STOX2: variants seen among roughly 807,000 people sequenced by gnomAD.
The protein encoded by STOX2 is storkhead-box protein 2.
In STOX2, 28 loss-of-function variants were observed where a neutral mutation model predicts 60.9. The observed-to-expected ratio is 0.46, with a 90% CI of 0.34 to 0.63. The LOEUF is 0.63. Ranked by LOEUF, STOX2 falls within the 30% of genes least tolerant of loss-of-function variation. The pLI is 0.01. For synonymous variants in STOX2, 472 were observed against 463.9 expected (o/e 1.02, Z -0.22); for missense variants, 1,024 against 1,187.7 (o/e 0.86, Z 2.03).
rs1037693004 is a variant in STOX2, at chr4:184,009,090, C to T, written c.320-68C>T. 90 of 1,224,222 alleles carry T rather than the reference C, an allele frequency of 7.4e-5. 1 individual carries two copies. Among genetic ancestry groups the T allele is most frequent in the Non-Finnish European group, 9.1e-5 (81 of 890,386 alleles). The allele number at this position is 1,224,222 out of a possible 1,614,324, so 75.8% of individuals were successfully genotyped here. A position where few individuals can be genotyped will look rare whatever the true frequency, so the allele number is the denominator to read the frequency against. ...TCGCATCTTGGCGAATGAATAGGAT[C>T]CTGGAAATCAGGAATCCACATGTTC... On this transcript the variant is annotated intron_variant, in intron 2 of 3. Coordinates refer to ENST00000308497, the MANE Select transcript of STOX2 (RefSeq NM_020225.3). The surrounding 1 kb of genome is among the most constrained non-coding windows in gnomAD (Gnocchi z 4.0).
At chr4:183,938,004 C>G (rs999380895) in intron 1 of STOX2, among the ~76,000 whole-genome samples, 5 of 151,860 alleles carry the variant, frequency 3.3e-5, no homozygotes, top group Non-Finnish European at 5.9e-5. Flanking sequence ...AGAAAATTAG[C>G]CAGATGTGGG....
upstream of STOX2, among the ~76,000 whole-genome samples, chr4:183,904,042 T>G (rs1403590941): frequency 1.3e-5 from 2 of 152,242 alleles, no homozygotes; most frequent in Non-Finnish European, 2.9e-5. Flanking sequence ...TGGGAGACAG[T>G]GATAGATCAT....
At chr4:183,989,288 C>T (rs750632250) in intron 1 of STOX2, among the ~76,000 whole-genome samples, 87 of 150,516 alleles carry the variant, frequency 5.8e-4, no homozygotes, top group Non-Finnish European at 8.0e-4. Flanking sequence ...CTGCAACCTC[C>T]GCTTCCCGGG....
Position 184,011,026 on chromosome 4 carries a change from A to G in STOX2, c.2188A>G (p.Thr730Ala). 1 of 1,613,184 alleles carries G rather than the reference A, an allele frequency of 6.2e-7. No individual in the cohort carries two copies. Among genetic ancestry groups the G allele is most frequent in the East Asian group, 2.2e-5 (1 of 44,862 alleles). The change falls in exon 3 of 4, where the codon ACA becomes GCA. Residue 730 changes from threonine (T) to alanine (A), a missense_variant. Around this residue, in one of 3 missense-constraint regions of STOX2, gnomAD observed 922 missense variants for 1,058.3 expected, o/e 0.87. Coordinates refer to ENST00000308497, the MANE Select transcript of STOX2 (RefSeq NM_020225.3). The surrounding 1 kb of genome is among the most constrained non-coding windows in gnomAD (Gnocchi z 4.4). Reference sequence around the variant, plus strand: ...GTCCCTCCTCAAATCTCACCCGAAGACACCTGCTGACACATTGCCAGGCCG... The same window carrying G: ...GTCCCTCCTCAAATCTCACCCGAAGGCACCTGCTGACACATTGCCAGGCCG... ...SLSLLKSHPKTPADTLPGRCE... is the reference protein window; with the variant it reads ...SLSLLKSHPKAPADTLPGRCE...
chr4:183,897,372 T>C (rs574791952), intron 1 of STOX2, among the ~76,000 whole-genome samples: 2 of 152,352 alleles, frequency 1.3e-5, no homozygotes, highest in African/African-American at 4.8e-5. Flanking sequence ...TGTATTTTGG[T>C]GCTAGCTTTG....
At chr4:183,929,058 G>GC (rs1030573834) in intron 1 of STOX2, among the ~76,000 whole-genome samples, 61 of 152,196 alleles carry the variant, frequency 4.0e-4, no homozygotes, top group African/African-American at 1.4e-3. Context: ...TGTTTCACTT[G>GC]CCGTCTTAAT....
intron 1 of STOX2, among the ~76,000 whole-genome samples, chr4:183,995,291 C>CTTTTTTTTTTTTTTTTTTT (rs61681165): frequency 1.3e-5 from 1 of 79,480 alleles, no homozygotes; most frequent in African/African-American, 6.2e-5. Flanking sequence ...TTATTTTAGT[C>CTTTTTTTTTTTTTTTTTTT]TTTTTTTTTT....
chr4:183,905,066 G>A (rs1026225970), upstream of STOX2, among the ~76,000 whole-genome samples: 8 of 152,232 alleles, frequency 5.3e-5, no homozygotes, highest in Admixed American at 2.6e-4. Flanking sequence ...TTTTGTCGTT[G>A]TTTACTGTAC....
chr4:183,955,722 ATTG>A (rs1322318268), intron 1 of STOX2, among the ~76,000 whole-genome samples: 1 of 151,298 alleles, frequency 6.6e-6, no homozygotes, highest in African/African-American at 2.4e-5. Context: ...TTGGGAGAGG[ATTG>A]TTCTGTTCTG....
chr4:183,849,143 C>G (rs1053594001), intron 1 of STOX2, among the ~76,000 whole-genome samples: 4 of 152,130 alleles, frequency 2.6e-5, no homozygotes, highest in African/African-American at 9.7e-5. Flanking sequence ...GTCCCAGGCC[C>G]AGGAGCAGCC....
chr4:183,830,618 C>A (rs1739544226), intron 1 of STOX2, among the ~76,000 whole-genome samples: 1 of 152,118 alleles, frequency 6.6e-6, no homozygotes, highest in Non-Finnish European at 1.5e-5. Flanking sequence ...CCTTGTGTGG[C>A]AGTTAGCTGA....
chr4:183,915,097 C>T (rs1482706036), intron 1 of STOX2, among the ~76,000 whole-genome samples: 1 of 152,224 alleles, frequency 6.6e-6, no homozygotes, highest in Non-Finnish European at 1.5e-5. Flanking sequence ...TATCTTTCTA[C>T]TTTAATCCGT....
chr4:183,879,651 T>C (rs1740910136), intron 1 of STOX2, among the ~76,000 whole-genome samples: 1 of 152,186 alleles, frequency 6.6e-6, no homozygotes, highest in Non-Finnish European at 1.5e-5. Flanking sequence ...CTCCATCTAT[T>C]AATTTCTTGG....
chr4:183,993,640 T>C (rs1400678538), intron 1 of STOX2, among the ~76,000 whole-genome samples: 4 of 152,270 alleles, frequency 2.6e-5, no homozygotes, highest in African/African-American at 9.6e-5. Flanking sequence ...CTAAATATTC[T>C]AAAATTCCTT....
chr4:183,913,883 C>G (rs1354378004), intron 1 of STOX2, among the ~76,000 whole-genome samples: 1 of 152,184 alleles, frequency 6.6e-6, no homozygotes, highest in Non-Finnish European at 1.5e-5. Context: ...TGTCCACATA[C>G]CACCTAACCT....
At chr4:183,812,852 G>A (rs1739065260) in intron 1 of STOX2, among the ~76,000 whole-genome samples, 1 of 152,130 alleles carries the variant, frequency 6.6e-6, no homozygotes, top group Non-Finnish European at 1.5e-5. Context: ...AATTTTCCAA[G>A]TATGTAGGTC....
At position 183,828,827 on chromosome 4, in the gene STOX2, C is replaced by T. The variant is rs140452163; in HGVS notation, c.364+30772C>T. On this transcript the variant is annotated intron_variant, in intron 1 of 2. Coordinates refer to the STOX2 transcript ENST00000513034. ...GTGGAGTATTGTGATGTACCTTGAG[C>T]CTGATGGAGTTTTTTTCTGTATTTA... is the stretch of plus-strand genomic sequence containing the variant. 2.0e-3 allele frequency among the ~76,000 whole-genome samples: 309 copies of T among 152,262 alleles called. 1 individual carries two copies. Among genetic ancestry groups the T allele is most frequent in the Non-Finnish European group, 4.0e-3 (275 of 68,022 alleles).
intron 1 of STOX2, among the ~76,000 whole-genome samples, chr4:183,931,645 C>T (rs981735910): frequency 3.9e-5 from 6 of 152,038 alleles, no homozygotes; most frequent in African/African-American, 1.2e-4. Context: ...GGTAGTGTGG[C>T]GCAAGGTGAA....
At chr4:183,844,686 A>C (rs1367258383) in intron 1 of STOX2, among the ~76,000 whole-genome samples, 3 of 152,202 alleles carry the variant, frequency 2.0e-5, no homozygotes, top group African/African-American at 7.2e-5. Context: ...CCTCTGGGAG[A>C]GACTGTAGGT....
Sources: allele counts gnomAD v4.1 joint callset (sites outside exome capture counted in the v4.1 genomes callset), GRCh38; gene constraint gnomAD v4.1.1; regional missense constraint gnomAD v4.1.1; non-coding constraint Gnocchi (gnomAD v3.1); transcripts MANE v1.5; gene names NCBI Gene and HGNC (gene_info 2026-07-23, HGNC 2026-07-21).